Variants in ACVR1C observed in about 807,000 individuals in gnomAD.
ACVR1C encodes the protein activin A receptor type 1C.
ACVR1C carries 23 observed loss-of-function variants against 57.9 expected under a neutral mutation model. That is an observed-to-expected ratio of 0.40 (90% CI 0.29 to 0.56). The LOEUF (loss-of-function observed/expected upper bound fraction) is 0.56, where lower values mean the gene tolerates loss of function less well. Ranked by LOEUF, ACVR1C falls within the 20% of genes least tolerant of loss-of-function variation. The pLI, the probability that ACVR1C is intolerant of heterozygous loss-of-function variation, is 0.50. For missense variants in ACVR1C, 480 were observed against 607.9 expected (o/e 0.79, Z 2.21); for synonymous variants, 214 against 215.3 (o/e 0.99, Z 0.05).
intron 1 of ACVR1C, among the ~76,000 whole-genome samples, chr2:157,609,922 T>C (rs1682493213): frequency 6.6e-6 from 1 of 152,068 alleles, no homozygotes; most frequent in African/African-American, 2.4e-5. Context: ...CCAGTCTGTA[T>C]CTTTCAAGTA....
chr2:157,597,248 G>A (rs939917570), intron 1 of ACVR1C: 11 of 735,502 alleles, frequency 1.5e-5, no homozygotes, highest in Non-Finnish European at 1.5e-5. Flanking sequence ...CTTTGTCAAC[G>A]GGTTTGGTAA....
rs916955022 is a variant in ACVR1C at position 157,533,886 on chromosome 2, T to G, written c.*32A>C. On this transcript the variant is annotated 3_prime_UTR_variant, in exon 9 of 9. Coordinates refer to ENST00000243349, the MANE Select transcript of ACVR1C (RefSeq NM_145259.3). ...AAGGGGAAAATGGAAAAGAAAGCTA[T>G]GAGAGATTTCTTTTTAACATAATTA... is the stretch of plus-strand genomic sequence containing the variant. 1.3e-5 allele frequency: 19 copies of G among 1,510,400 alleles called. No homozygotes were observed. The highest frequency in any genetic ancestry group is 1.4e-5 in the African/African-American group (1 of 69,610). 93.6% of individuals were successfully genotyped at this position (1,510,400 alleles called of 1,614,324 possible).
chr2:157,554,426 GA>G lies in ACVR1C; in HGVS notation c.544+1666del, dbSNP rs147883954. Reference sequence around the variant, plus strand: ...AGATGAAGGAAGGAAGGAGACAAAGGAAGGAAGGAAGGAAGGTGCCAGTCGT... The same window carrying G: ...AGATGAAGGAAGGAAGGAGACAAAGGAGGAAGGAAGGAAGGTGCCAGTCGT... On this transcript the variant is annotated intron_variant, in intron 3 of 8. Transcript: ENST00000243349. Among the ~76,000 whole-genome samples, 924 of 150,406 alleles carry G rather than the reference GA, an allele frequency of 6.1e-3. 15 individuals carry two copies. Among genetic ancestry groups the G allele is most frequent in the African/African-American group, 0.022 (890 of 40,336 alleles).
chr2:157,596,508 T>G (rs932890234), intron 1 of ACVR1C, among the ~76,000 whole-genome samples: 6 of 152,204 alleles, frequency 3.9e-5, no homozygotes, highest in African/African-American at 1.2e-4. Flanking sequence ...ATAGTGATGT[T>G]CTCATTAAAA....
chr2:157,605,165 C>T (rs1682364352), intron 1 of ACVR1C, among the ~76,000 whole-genome samples: 1 of 151,200 alleles, frequency 6.6e-6, no homozygotes, highest in Admixed American at 6.6e-5. Flanking sequence ...ATTAAATTGC[C>T]TTTATAATTT....
At chr2:157,536,450 T>C (rs1651730756) in intron 8 of ACVR1C, among the ~76,000 whole-genome samples, 1 of 152,168 alleles carries the variant, frequency 6.6e-6, no homozygotes, top group Non-Finnish European at 1.5e-5. Flanking sequence ...TATTGATTGA[T>C]TATTGCTGAC....
chr2:157,612,969 T>C (rs1419421735), intron 1 of ACVR1C, among the ~76,000 whole-genome samples: 1 of 152,204 alleles, frequency 6.6e-6, no homozygotes, highest in Non-Finnish European at 1.5e-5. Context: ...CCAGTACAAG[T>C]TCCCTGTCTA....
chr2:157,557,439 C>T (rs1218372073), intron 2 of ACVR1C, among the ~76,000 whole-genome samples: 6 of 152,152 alleles, frequency 3.9e-5, no homozygotes, highest in Non-Finnish European at 8.8e-5. Context: ...TTCCCATTCC[C>T]TGTACACTCT....
chr2:157,556,989 C>T (rs1688120744), intron 2 of ACVR1C, among the ~76,000 whole-genome samples: 1 of 152,104 alleles, frequency 6.6e-6, no homozygotes, highest in Non-Finnish European at 1.5e-5. Context: ...AAAGCATGTA[C>T]ATTCATTCTT....
chr2:157,613,395 T>C (rs1437816284), intron 1 of ACVR1C, among the ~76,000 whole-genome samples: 1 of 152,248 alleles, frequency 6.6e-6, no homozygotes, highest in African/African-American at 2.4e-5. Flanking sequence ...GTTTTAATAC[T>C]GTATTGGTTT....
At chr2:157,595,333 T>C (rs1293766015) in intron 1 of ACVR1C, among the ~76,000 whole-genome samples, 1 of 152,160 alleles carries the variant, frequency 6.6e-6, no homozygotes, top group Non-Finnish European at 1.5e-5. Context: ...TACATAGCAG[T>C]GTCTCCAAGG....
In ACVR1C at chr2:157,544,609, T is replaced by C. The variant is rs927910004; in HGVS notation, c.779A>G (p.Asn260Ser). The change falls in exon 5 of 9, where the codon AAT (asparagine) becomes AGT (serine). Residue 260 changes from asparagine to serine, a missense_variant. Physicochemically the swap from Asn to Ser is conservative, Grantham distance 46. Transcript: ENST00000243349. Reference protein sequence around the residue: ...LGFIAADNKDNGTWTQLWLVS... With the variant: ...LGFIAADNKDSGTWTQLWLVS... ...CAGCCAAAGTTGAGTCCAAGTTCCA[T>C]TATCTAACAAGAAAATGTAATTTTG... The C allele has an allele frequency of 1.8e-5, 29 of 1,605,520 alleles. No individual in the cohort carries two copies. Among genetic ancestry groups the C allele is most frequent in the Non-Finnish European group, 2.5e-5 (29 of 1,177,050 alleles).
At chr2:157,562,632 T>A (rs1688269439) in intron 2 of ACVR1C, among the ~76,000 whole-genome samples, 1 of 151,992 alleles carries the variant, frequency 6.6e-6, no homozygotes, top group South Asian at 2.1e-4. Flanking sequence ...GAGGGCAGCA[T>A]CATCCTGATA....
intron 2 of ACVR1C, among the ~76,000 whole-genome samples, chr2:157,563,864 G>A (rs1452470050): frequency 6.6e-6 from 1 of 152,106 alleles, no homozygotes; most frequent in Non-Finnish European, 1.5e-5. Context: ...CAAGCAATGG[G>A]GAAAAGATTC....
At chr2:157,582,986 A>G (rs1259131951) in intron 2 of ACVR1C, among the ~76,000 whole-genome samples, 1 of 152,088 alleles carries the variant, frequency 6.6e-6, no homozygotes, top group Non-Finnish European at 1.5e-5. Flanking sequence ...GGTTCCAGCA[A>G]TTCTCCCGCC....
At chr2:157,560,377 T>C (rs1350588127) in intron 2 of ACVR1C, among the ~76,000 whole-genome samples, 4 of 152,228 alleles carry the variant, frequency 2.6e-5, no homozygotes, top group Non-Finnish European at 5.9e-5. Context: ...GATGGCTATG[T>C]GAACCTGAGA....
chr2:157,588,848 C>CATATATATATATATATATATATAT (rs71402394), intron 1 of ACVR1C, among the ~76,000 whole-genome samples: 41 of 89,078 alleles, frequency 4.6e-4, no homozygotes, highest in South Asian at 1.2e-3. Context: ...ACAAACACAC[C>CATATATATATATATATATATATAT]ATATATATAT....
At chr2:157,540,738 C>T (rs1273351265) in intron 7 of ACVR1C, among the ~76,000 whole-genome samples, 1 of 152,158 alleles carries the variant, frequency 6.6e-6, no homozygotes, top group Non-Finnish European at 1.5e-5. Flanking sequence ...GAAACTGAAC[C>T]CTTCAAGTCC....
At chr2:157,597,483 G>A in intron 1 of ACVR1C, 1 of 985,432 alleles carries the variant, frequency 1.0e-6, no homozygotes, top group Non-Finnish European at 1.2e-6. Flanking sequence ...CCAGCTTTCC[G>A]CTGGACCTTG....
Sources: gnomAD v4.1 joint callset for allele counts (sites outside exome capture counted in the v4.1 genomes callset) on GRCh38, gnomAD v4.1.1 for gene constraint, MANE v1.5 for transcripts, NCBI Gene and HGNC (gene_info 2026-07-23, HGNC 2026-07-21) for gene names.